The following ARMCX4 variants were observed in gnomAD, a reference collection of about 807,000 sequenced individuals.
ARMCX4 encodes armadillo repeat-containing X-linked protein 4.
ARMCX4 carries 3 observed loss-of-function variants against 34.7 expected under a neutral mutation model. The observed-to-expected ratio is 0.09, with a 90% CI of 0.04 to 0.22. The LOEUF (loss-of-function observed/expected upper bound fraction) is 0.22. ARMCX4 is among the 10% of genes least tolerant of loss of function. The pLI is 1.00. For synonymous variants in ARMCX4, 513 were observed against 632.8 expected (o/e 0.81, Z 2.84); for missense variants, 1,448 against 1,720.8 (o/e 0.84, Z 2.81).
At chrX:101,498,183 A>G (rs1391004516), downstream of ARMCX4, 12 of 328,768 alleles carry the variant, frequency 3.6e-5, no homozygotes, top group East Asian at 1.2e-3. Flanking sequence ...AAAACGCTTC[A>G]TGCTGAACTC....
rs1934022773 is a variant in ARMCX4, at chrX:101,492,567, A to G, written c.3978A>G (p.Glu1326=). The G allele has an allele frequency of 1.8e-6, 2 of 1,129,154 alleles. No homozygotes were observed. Among genetic ancestry groups the G allele is most frequent in the South Asian group, 2.1e-5 (1 of 48,312 alleles). 93.1% of individuals were successfully genotyped at this position (1,129,154 alleles called of 1,213,427 possible). A position where few individuals can be genotyped will look rare whatever the true frequency, so the allele number is the denominator to read the frequency against. ...GATTTGAGGATCAAGCCAGTGGAGAAGGGTCCTGGGCTGGGGCTGGTGGCC... is the reference window on the plus strand; with the variant it reads ...GATTTGAGGATCAAGCCAGTGGAGAGGGGTCCTGGGCTGGGGCTGGTGGCC... ...KPRFEDQASG[E]GSWAGAGGQA... Residue 1326 remains glutamate, a synonymous_variant, in exon 6 of 6, where the codon GAA becomes GAG. Transcript: ENST00000423738.
chrX:101,531,249 A>G (rs1198774676), intron 11 of ARMCX4, among the ~76,000 whole-genome samples: 1 of 111,876 alleles, frequency 8.9e-6, no homozygotes, highest in African/African-American at 3.2e-5. Context: ...TAATCTTCCT[A>G]TCTCAATATT....
At chrX:101,480,783 G>A (rs1556005298), upstream of ARMCX4, among the ~76,000 whole-genome samples, 1 of 111,915 alleles carries the variant, frequency 8.9e-6, no homozygotes, top group Non-Finnish European at 1.9e-5. Flanking sequence ...TTAAGCATGT[G>A]AAATTATGCT....
chrX:101,510,550 C>G (rs1934559770), intron 10 of ARMCX4, among the ~76,000 whole-genome samples: 1 of 111,460 alleles, frequency 9.0e-6, no homozygotes, highest in African/African-American at 3.3e-5. Context: ...TATTTTCACC[C>G]TTGCTTATTA....
At chrX:101,422,920 A>G (rs1929358433) in intron 2 of ARMCX4, among the ~76,000 whole-genome samples, 1 of 110,805 alleles carries the variant, frequency 9.0e-6, no homozygotes, top group South Asian at 3.8e-4. Context: ...TTATATATAT[A>G]TATTTTTGAG....
rs139755569 is a variant in ARMCX4, at chrX:101,513,982, G to C, written c.*1780+2927G>C. Reference sequence around the variant, plus strand: ...GGATATCCTATATTCCAGACAAGCTGTTCCTTACTTCCATTGTGGAATAGA... The same window carrying C: ...GGATATCCTATATTCCAGACAAGCTCTTCCTTACTTCCATTGTGGAATAGA... On this transcript the variant is annotated intron_variant and NMD_transcript_variant, in intron 11 of 12. Transcript: ENST00000354842. Among the ~76,000 whole-genome samples the C allele has an allele frequency of 6.6e-3, 729 of 111,181 alleles. 4 individuals carry two copies. Among genetic ancestry groups the C allele is most frequent in the Middle Eastern group, 9.4e-3 (2 of 213 alleles).
downstream of ARMCX4, among the ~76,000 whole-genome samples, chrX:101,448,466 G>A (rs112996885): frequency 0.063 from 7,096 of 112,310 alleles, 220 homozygotes; most frequent in African/African-American, 0.13. Flanking sequence ...CACCAACAGT[G>A]TACAAGGGTT....
chrX:101,523,596 T>C (rs1397079616), intron 11 of ARMCX4, among the ~76,000 whole-genome samples: 15 of 111,249 alleles, frequency 1.3e-4, no homozygotes, highest in African/African-American at 4.9e-4. Flanking sequence ...TTGGGGGAAA[T>C]AGACTTCACA....
intron 2 of ARMCX4, among the ~76,000 whole-genome samples, chrX:101,432,924 G>A (rs782673757): frequency 1.2e-5 from 1 of 81,186 alleles, no homozygotes; most frequent in African/African-American, 4.5e-5. Context: ...GTATACATAC[G>A]TATATATATA....
rs1174716053 is a variant in ARMCX4, at chrX:101,491,371, G to A, written c.2782G>A (p.Val928Ile). The change falls in exon 6 of 6, where the codon GTC becomes ATC. Residue 928 changes from valine (V) to isoleucine (I), a missense_variant. By Grantham distance (29) the Val-to-Ile change is conservative (BLOSUM62 3). Around this residue, in one of 2 missense-constraint regions of ARMCX4, gnomAD observed 1,343 missense variants for 1,540.7 expected, o/e 0.87. Coordinates refer to ENST00000423738, the MANE Select transcript of ARMCX4 (RefSeq NM_001256155.3). Reference sequence around the variant, plus strand: ...GACCTTGCCTGGTGCCAGGAATAAGGTCAAGGGCAATTCCAATGCTATTTC... The same window carrying A: ...GACCTTGCCTGGTGCCAGGAATAAGATCAAGGGCAATTCCAATGCTATTTC... ...RETLPGARNK[V>I]KGNSNAISKA... 2.6e-6 allele frequency: 3 copies of A among 1,155,884 alleles called. No homozygotes were observed. The African/African-American group carries it at 5.3e-5, about 21-fold the overall frequency.
At chrX:101,423,966 C>T (rs955774131) in intron 2 of ARMCX4, among the ~76,000 whole-genome samples, 22 of 111,318 alleles carry the variant, frequency 2.0e-4, no homozygotes, top group Admixed American at 3.8e-4. Context: ...CGGGTTCAAG[C>T]GATTCTCCTG....
intron 7 of ARMCX4, among the ~76,000 whole-genome samples, chrX:101,501,457 A>G (rs1400378372): frequency 8.9e-6 from 1 of 112,833 alleles, no homozygotes; most frequent in African/African-American, 3.2e-5. Context: ...TGGACAGACC[A>G]GGGCTGTCTC....
Position 101,492,976 on chromosome X carries a change from C to T in ARMCX4, c.4387C>T (p.Pro1463Ser), listed in dbSNP as rs1556010129. The T allele has an allele frequency of 8.7e-7, 1 of 1,153,139 alleles. No individual in the cohort carries two copies. The highest frequency in any genetic ancestry group is 1.1e-6 in the Non-Finnish European group (1 of 871,691). Residue 1463 changes from proline to serine, a missense_variant, in exon 6 of 6, where the codon CCT becomes TCT. Pro to Ser is a moderately conservative substitution (Grantham distance 74, BLOSUM62 -1). Coordinates refer to ENST00000423738, the MANE Select transcript of ARMCX4 (RefSeq NM_001256155.3). ...AGHPASVGPKPIFEDQVSGRG... is the reference protein window; with the variant it reads ...AGHPASVGPKSIFEDQVSGRG... ...GCATCCAGCTAGTGTTGGGCCAAAG[C>T]CTATATTTGAGGATCAGGTCAGTGG...
At chrX:101,446,795 A>G (rs1184430719), downstream of ARMCX4, among the ~76,000 whole-genome samples, 1 of 110,350 alleles carries the variant, frequency 9.1e-6, no homozygotes, top group Non-Finnish European at 1.9e-5. Flanking sequence ...CTCTACTAAA[A>G]CTACAAAAAT....
chrX:101,525,768 A>T lies in ARMCX4; in HGVS notation c.*1781-5876A>T, dbSNP rs1360001567. Among the ~76,000 whole-genome samples, 3 of 111,598 alleles carry T rather than the reference A, an allele frequency of 2.7e-5. No homozygotes were observed. In the East Asian group the frequency reaches 8.4e-4, roughly 31 times the overall value. ...GTATCAGTGATTGAAGATCAAATGAATGAAATGAAGTGAGAAGAGAAGTTC... is the reference window on the plus strand; with the variant it reads ...GTATCAGTGATTGAAGATCAAATGATTGAAATGAAGTGAGAAGAGAAGTTC... On this transcript the variant is annotated intron_variant and NMD_transcript_variant, in intron 11 of 12. Coordinates refer to the ARMCX4 transcript ENST00000354842.
chrX:101,426,856 C>T (rs1355299472), intron 2 of ARMCX4, among the ~76,000 whole-genome samples: 1 of 111,470 alleles, frequency 9.0e-6, no homozygotes, highest in Non-Finnish European at 1.9e-5. Flanking sequence ...TAAAATATAT[C>T]CTAAAAATAG....
At chrX:101,522,716 T>C (rs1045969846) in intron 11 of ARMCX4, among the ~76,000 whole-genome samples, 1 of 112,096 alleles carries the variant, frequency 8.9e-6, no homozygotes, top group African/African-American at 3.2e-5. Context: ...AAAAATCAAG[T>C]TCATATCAAT....
chrX:101,460,534 A>G (rs1556001081), intron 4 of ARMCX4, among the ~76,000 whole-genome samples: 1 of 112,141 alleles, frequency 8.9e-6, no homozygotes, highest in African/African-American at 3.2e-5. Context: ...GAATTACTGT[A>G]AAGCTTTCCC....
chrX:101,434,537 C>T (rs782780660), intron 2 of ARMCX4, among the ~76,000 whole-genome samples: 67 of 111,489 alleles, frequency 6.0e-4, no homozygotes, highest in Admixed American at 3.0e-3. Context: ...TGAGCCACTG[C>T]GCCCGGCCAT....
Sources: gnomAD v4.1 joint callset for allele counts (sites outside exome capture counted in the v4.1 genomes callset) on GRCh38, gnomAD v4.1.1 for gene constraint, gnomAD v4.1.1 regional missense constraint, MANE v1.5 for transcripts, NCBI Gene and HGNC (gene_info 2026-07-23, HGNC 2026-07-21) for gene names.